Variants in SEMA6D observed in about 807,000 individuals in gnomAD.
SEMA6D encodes semaphorin 6D, also known as semaphorin-6D.
SEMA6D carries 35 observed loss-of-function variants against 106.6 expected under a neutral mutation model. That is an observed-to-expected ratio of 0.33 (90% CI 0.25 to 0.44). The LOEUF is 0.44. SEMA6D is among the 20% of genes least tolerant of loss of function. The pLI, the probability that SEMA6D is intolerant of heterozygous loss-of-function variation, is 1.00. For synonymous variants in SEMA6D, 499 were observed against 487.7 expected, an observed-to-expected ratio of 1.02 and a Z score of -0.31; for missense variants, 1,185 against 1,345.9, an observed-to-expected ratio of 0.88 and a Z score of 1.87.
chr15:47,361,357 A>G (rs149881377), intron 1 of SEMA6D, among the ~76,000 whole-genome samples: 2 of 152,338 alleles, frequency 1.3e-5, no homozygotes, highest in East Asian at 1.9e-4. Context: ...GACGAGTTTT[A>G]TTATTCCCTG....
At chr15:47,620,973 A>G (rs2077087709) in intron 4 of SEMA6D, among the ~76,000 whole-genome samples, 2 of 152,000 alleles carry the variant, frequency 1.3e-5, no homozygotes, top group Middle Eastern at 3.2e-3. Context: ...GAGATCCCTA[A>G]TGAAGAAGAA....
chr15:47,724,696 A>T (rs2079628034), intron 1 of SEMA6D, among the ~76,000 whole-genome samples: 1 of 152,208 alleles, frequency 6.6e-6, no homozygotes, highest in Non-Finnish European at 1.5e-5. Context: ...CTTACCTACA[A>T]CAGACTTGTA....
chr15:47,444,766 C>G (rs2041979619), intron 2 of SEMA6D, among the ~76,000 whole-genome samples: 1 of 152,122 alleles, frequency 6.6e-6, no homozygotes. Context: ...ATGGTAGTGT[C>G]TAGGAGTGGG....
At chr15:47,285,034 T>C (rs1317517611) in intron 1 of SEMA6D, among the ~76,000 whole-genome samples, 2 of 152,224 alleles carry the variant, frequency 1.3e-5, no homozygotes, top group East Asian at 1.9e-4. Flanking sequence ...ATCCTTTGCC[T>C]GTTGACATTA....
intron 4 of SEMA6D, among the ~76,000 whole-genome samples, chr15:47,630,215 G>C (rs1323246830): frequency 6.6e-6 from 1 of 151,812 alleles, no homozygotes; most frequent in Admixed American, 6.6e-5. Flanking sequence ...GCCAGCATCT[G>C]TTATCTTTTT....
chr15:47,644,468 T>C (rs2077544603), intron 4 of SEMA6D, among the ~76,000 whole-genome samples: 1 of 152,240 alleles, frequency 6.6e-6, no homozygotes, highest in African/African-American at 2.4e-5. Context: ...GGTTTGAATG[T>C]GTCCCCTCAA....
At chr15:47,224,362 C>G (rs1595766302) in intron 1 of SEMA6D, among the ~76,000 whole-genome samples, 1 of 152,078 alleles carries the variant, frequency 6.6e-6, no homozygotes, top group East Asian at 1.9e-4. Context: ...TGGACGTAAT[C>G]ATAATAATGA....
intron 1 of SEMA6D, among the ~76,000 whole-genome samples, chr15:47,311,708 T>C (rs1417768345): frequency 6.6e-6 from 1 of 152,194 alleles, no homozygotes; most frequent in Non-Finnish European, 1.5e-5. Context: ...AATCTATATA[T>C]AGCTTTTTCT....
chr15:47,730,587 C>G lies in SEMA6D; in HGVS notation c.-55+12895C>G, dbSNP rs116672515. The G allele has an allele frequency of 5.7e-3, 8,636 of 1,522,286 alleles. 438 individuals are homozygous for G. In the African/African-American group the frequency reaches 0.11, roughly 19 times the overall value. The allele number at this position is 1,522,286 out of a possible 1,614,324, so 94.3% of individuals were successfully genotyped here. A position where few individuals can be genotyped will look rare whatever the true frequency, so the allele number is the denominator to read the frequency against. ...TCCCCTTTGCCAGCAGCTTTCTTCTCGGCCCAGGCCAACAGTCTCTGCTTC... is the reference window on the plus strand; with the variant it reads ...TCCCCTTTGCCAGCAGCTTTCTTCTGGGCCCAGGCCAACAGTCTCTGCTTC... On this transcript the variant is annotated intron_variant, in intron 1 of 18. Coordinates refer to ENST00000536845, the MANE Select transcript of SEMA6D (RefSeq NM_001358351.3).
At chr15:47,770,309 C>G (rs1186655541) in intron 18 of SEMA6D, among the ~76,000 whole-genome samples, 188 bp from the exon 19 acceptor site, 4 of 152,088 alleles carry the variant, frequency 2.6e-5, no homozygotes, top group Non-Finnish European at 5.9e-5. Flanking sequence ...TTGCAGCAAT[C>G]CTGTATGTCT....
chr15:47,617,388 T>C (rs1483301404), intron 4 of SEMA6D, among the ~76,000 whole-genome samples: 1 of 152,204 alleles, frequency 6.6e-6, no homozygotes, highest in African/African-American at 2.4e-5. Flanking sequence ...ATGTCTTCCA[T>C]GATGAAATTC....
Position 47,770,766 on chromosome 15 carries a change from C to G in SEMA6D, c.2203C>G (p.Pro735Ala), listed in dbSNP as rs749843254. 1 of 1,614,080 alleles carries G rather than the reference C, an allele frequency of 6.2e-7. No individual in the cohort carries two copies. The highest frequency in any genetic ancestry group is 8.5e-7 in the Non-Finnish European group (1 of 1,179,996). Residue 735 changes from proline (P) to alanine (A), a missense_variant, in exon 19 of 19, where the codon CCT becomes GCT. Pro to Ala is a conservative substitution (Grantham distance 27, BLOSUM62 -1). Transcript: ENST00000536845. ...VKEYQQNIDS[P>A]KLYSNLLTSR... Reference sequence around the variant, plus strand: ...GGAATACCAACAGAATATTGATTCTCCTAAACTGTATAGTAACCTGCTAAC... The same window carrying G: ...GGAATACCAACAGAATATTGATTCTGCTAAACTGTATAGTAACCTGCTAAC...
At chr15:47,683,043 A>T (rs2078391959) in intron 4 of SEMA6D, among the ~76,000 whole-genome samples, 1 of 152,338 alleles carries the variant, frequency 6.6e-6, no homozygotes, top group South Asian at 2.1e-4. Flanking sequence ...AGTAGAAATG[A>T]TTAGTCTGTG....
chr15:47,193,575 A>T (rs1311041749), intron 1 of SEMA6D, among the ~76,000 whole-genome samples: 1 of 152,202 alleles, frequency 6.6e-6, no homozygotes, highest in Admixed American at 6.5e-5. Context: ...TTCTCATTAC[A>T]CTTTGAATGG....
chr15:47,649,798 A>G (rs1327638594), intron 4 of SEMA6D, among the ~76,000 whole-genome samples: 1 of 150,328 alleles, frequency 6.7e-6, no homozygotes, highest in East Asian at 1.9e-4. Context: ...CTTTTCAAAG[A>G]TATTGCTATA....
chr15:47,480,667 C>T (rs1426458060), intron 3 of SEMA6D, among the ~76,000 whole-genome samples: 1 of 152,172 alleles, frequency 6.6e-6, no homozygotes, highest in East Asian at 1.9e-4. Flanking sequence ...CCTGCTTCTG[C>T]CACTGAACTG....
chr15:47,494,817 A>ACG (rs1274351271), intron 3 of SEMA6D, among the ~76,000 whole-genome samples: 30 of 140,946 alleles, frequency 2.1e-4, no homozygotes, highest in Admixed American at 1.4e-4. Context: ...ACACACACAC[A>ACG]CACACACACA....
rs2082572914 is a variant in SEMA6D, at chr15:47,770,490, ATT to A, written c.1934-5_1934-4del. On this transcript the variant is annotated splice_region_variant and splice_polypyrimidine_tract_variant and intron_variant, in intron 18 of 18. Coordinates refer to ENST00000536845, the MANE Select transcript of SEMA6D (RefSeq NM_001358351.3). The stretch of plus-strand genomic sequence containing the variant: ...CTTATTCACATTGTCCCATGTGTCT[ATT>A]TCAGGTGTACGATGGGAAGTCCAGT... The A allele has an allele frequency of 6.3e-7, 1 of 1,576,274 alleles. No individual in the cohort carries two copies. Among genetic ancestry groups the A allele is most frequent in the South Asian group, 1.1e-5 (1 of 86,964 alleles).
intron 1 of SEMA6D, among the ~76,000 whole-genome samples, chr15:47,287,901 T>G (rs1356753287): frequency 4.6e-5 from 7 of 152,266 alleles, no homozygotes; most frequent in Non-Finnish European, 1.5e-5. Flanking sequence ...CGGCATCTCC[T>G]TGGCTTCCAA....
Sources: gnomAD v4.1 joint callset for allele counts (sites outside exome capture counted in the v4.1 genomes callset) on GRCh38, gnomAD v4.1.1 for gene constraint, MANE v1.5 for transcripts, NCBI Gene and HGNC (gene_info 2026-07-23, HGNC 2026-07-21) for gene names.